Variants in CSMD1 observed in about 807,000 individuals in gnomAD.
CSMD1 encodes the protein CUB and Sushi multiple domains 1.
CSMD1 carries 213 observed loss-of-function variants against 417.5 expected under a neutral mutation model. The observed-to-expected ratio is 0.51, with a 90% confidence interval of 0.46 to 0.57. The LOEUF (loss-of-function observed/expected upper bound fraction) is 0.57. Ranked by LOEUF, CSMD1 falls within the 20% of genes least tolerant of loss-of-function variation. The pLI, the probability that CSMD1 is intolerant of heterozygous loss-of-function variation, is 0.00. For missense variants in CSMD1, 6,923 were observed against 4,529.7 expected (o/e 1.53, Z -15.17); for synonymous variants, 2,862 against 1,736.8 (o/e 1.65, Z -16.11).
intron 5 of CSMD1, among the ~76,000 whole-genome samples, chr8:3,970,610 G>A (rs969981364): frequency 6.6e-6 from 1 of 152,164 alleles, no homozygotes; most frequent in African/African-American, 2.4e-5. Context: ...AAAGGATCTA[G>A]GGAAACTCAA....
chr8:4,031,884 AG>A lies in CSMD1; in HGVS notation c.610+20del, dbSNP rs2130575506. 6 of 1,587,604 alleles carry A rather than the reference AG, an allele frequency of 3.8e-6. No individual in the cohort carries two copies. Among genetic ancestry groups the A allele is most frequent in the Middle Eastern group, 1.9e-4 (1 of 5,314 alleles). On this transcript the variant is annotated intron_variant, in intron 4 of 69. Coordinates refer to ENST00000635120, the MANE Select transcript of CSMD1 (RefSeq NM_033225.6). ...TGCCCTGCCCTGGAGTCTGCTCACC[AG>A]CCCCCTTGTAGCACTGTACCTCTGC...
chr8:2,942,253 T>C (rs948542239), intron 69 of CSMD1, among the ~76,000 whole-genome samples: 2 of 151,670 alleles, frequency 1.3e-5, no homozygotes, highest in Non-Finnish European at 2.9e-5. Flanking sequence ...GGTTGATCCA[T>C]GCAGCAGACC....
At chr8:4,901,450 A>G (rs1368170838) in intron 1 of CSMD1, among the ~76,000 whole-genome samples, 2 of 152,190 alleles carry the variant, frequency 1.3e-5, no homozygotes, top group African/African-American at 2.4e-5. Flanking sequence ...AATTTAATAC[A>G]TAGTTGAGAA....
At chr8:4,342,394 A>C (rs1800529982) in intron 3 of CSMD1, among the ~76,000 whole-genome samples, 1 of 152,106 alleles carries the variant, frequency 6.6e-6, no homozygotes, top group Non-Finnish European at 1.5e-5. Flanking sequence ...TTATAGTATA[A>C]ATGTGTGAAT....
intron 27 of CSMD1, among the ~76,000 whole-genome samples, chr8:3,225,105 T>G (rs747000308): frequency 2.0e-5 from 3 of 152,220 alleles, no homozygotes. Flanking sequence ...AGAGACTTTG[T>G]TTTGTAAATA....
At chr8:4,720,679 C>G (rs2116907094) in intron 1 of CSMD1, among the ~76,000 whole-genome samples, 1 of 152,288 alleles carries the variant, frequency 6.6e-6, no homozygotes, top group African/African-American at 2.4e-5. Context: ...GCCTTGGCTT[C>G]CCAAAGAGCT....
chr8:3,444,275 T>A lies in CSMD1; in HGVS notation c.1561+24437A>T, dbSNP rs866210668. Among the ~76,000 whole-genome samples, 4 of 152,294 alleles carry A rather than the reference T, an allele frequency of 2.6e-5. No individual in the cohort carries two copies. The South Asian group carries it at 8.3e-4, about 32-fold the overall frequency. ...ATTACACAAGATAAATTTGGAATGGTTTATCCCACTGGATGGCAAAGAAGC... is the reference window on the plus strand; with the variant it reads ...ATTACACAAGATAAATTTGGAATGGATTATCCCACTGGATGGCAAAGAAGC... On this transcript the variant is annotated intron_variant, in intron 12 of 69. Coordinates refer to ENST00000635120, the MANE Select transcript of CSMD1 (RefSeq NM_033225.6).
chr8:4,846,528 G>C (rs917017187), intron 1 of CSMD1, among the ~76,000 whole-genome samples: 2 of 152,172 alleles, frequency 1.3e-5, no homozygotes, highest in Non-Finnish European at 2.9e-5. Context: ...TGCTGTTTTG[G>C]TCCAGCCACA....
chr8:3,818,653 G>C (rs189956314), intron 5 of CSMD1, among the ~76,000 whole-genome samples: 1 of 152,288 alleles, frequency 6.6e-6, no homozygotes, highest in East Asian at 1.9e-4. Flanking sequence ...GCCCGGCATC[G>C]TCTGATGACA....
chr8:4,208,820 G>C (rs897619032), intron 3 of CSMD1, among the ~76,000 whole-genome samples: 1 of 152,164 alleles, frequency 6.6e-6, no homozygotes, highest in East Asian at 1.9e-4. Context: ...TTTTACAGTT[G>C]TTTAATATCT....
chr8:4,200,140 A>G (rs1799564591), intron 3 of CSMD1, among the ~76,000 whole-genome samples: 2 of 152,180 alleles, frequency 1.3e-5, no homozygotes, highest in African/African-American at 4.8e-5. Flanking sequence ...CCTTCCTTTA[A>G]CATTATAGTC....
chr8:4,413,716 G>A (rs1484431738), intron 3 of CSMD1, among the ~76,000 whole-genome samples: 9 of 152,100 alleles, frequency 5.9e-5, no homozygotes, highest in Non-Finnish European at 7.3e-5. Flanking sequence ...ATTTAACATT[G>A]ATTAGGGGTT....
chr8:3,062,505 GC>G (rs1207591155), intron 49 of CSMD1, among the ~76,000 whole-genome samples: 1 of 151,512 alleles, frequency 6.6e-6, no homozygotes, highest in Non-Finnish European at 1.5e-5. Context: ...TAATGACTTG[GC>G]TTTTGCAGAC....
intron 2 of CSMD1, among the ~76,000 whole-genome samples, chr8:4,461,209 T>A (rs1585115670): frequency 6.6e-6 from 1 of 152,032 alleles, no homozygotes; most frequent in East Asian, 1.9e-4. Flanking sequence ...ATAAAAACAA[T>A]TAACTAGCAA....
intron 1 of CSMD1, among the ~76,000 whole-genome samples, chr8:4,939,122 T>A (rs1807815252): frequency 6.6e-6 from 1 of 152,234 alleles, no homozygotes; most frequent in South Asian, 2.1e-4. Flanking sequence ...TCTTTTGTTG[T>A]GCAGAAGCTT....
intron 3 of CSMD1, among the ~76,000 whole-genome samples, chr8:4,059,485 A>G (rs2130731742): frequency 6.6e-6 from 1 of 152,360 alleles, no homozygotes; most frequent in African/African-American, 2.4e-5. Context: ...AACCCTTCAA[A>G]AAATTAATGA....
rs190879889 is a variant in CSMD1 at position 4,228,497 on chromosome 8, C to G, written c.415+191456G>C. ...TTCCACTGTATCCTCCCCCAACTGT[C>G]TCTGGTCTTCCAGTCAACCCTGTAT... On this transcript the variant is annotated intron_variant, in intron 3 of 69. Coordinates refer to ENST00000635120, the MANE Select transcript of CSMD1 (RefSeq NM_033225.6). Among the ~76,000 whole-genome samples, 756 of 152,070 alleles carry G rather than the reference C, an allele frequency of 5.0e-3. 6 individuals are homozygous for G. Among genetic ancestry groups the G allele is most frequent in the African/African-American group, 0.017 (717 of 41,486 alleles).
chr8:3,832,454 A>G (rs1350785005), intron 5 of CSMD1, among the ~76,000 whole-genome samples: 2 of 152,204 alleles, frequency 1.3e-5, no homozygotes, highest in Non-Finnish European at 2.9e-5. Flanking sequence ...ATTATGTAAG[A>G]TAAGATTTTT....
intron 2 of CSMD1, among the ~76,000 whole-genome samples, chr8:4,618,310 C>G (rs1048730552): frequency 6.6e-6 from 1 of 152,144 alleles, no homozygotes; most frequent in Non-Finnish European, 1.5e-5. Flanking sequence ...CCCTCATAAG[C>G]AGGAAATCCA....
Sources: gnomAD v4.1 joint callset for allele counts (sites outside exome capture counted in the v4.1 genomes callset) on GRCh38, gnomAD v4.1.1 for gene constraint, MANE v1.5 for transcripts, NCBI Gene and HGNC (gene_info 2026-07-23, HGNC 2026-07-21) for gene names.